PRKAB1: variants seen among roughly 807,000 people sequenced by gnomAD.
PRKAB1 encodes the protein 5'-AMP-activated protein kinase subunit beta-1.
A neutral mutation model predicts 32.0 loss-of-function variants in PRKAB1; 18 were observed. The ratio of observed to expected loss-of-function variants is 0.56; its 90% confidence interval spans 0.39 to 0.83. PRKAB1 has a LOEUF of 0.83. Ranked by LOEUF, PRKAB1 falls within the 40% of genes least tolerant of loss-of-function variation. The pLI is 0.00. For synonymous variants in PRKAB1, 141 were observed against 141.4 expected (o/e 1.00, Z 0.02); for missense variants, 263 against 352.6 (o/e 0.75, Z 2.03).
At chr12:119,677,820 T>C (rs946356939) in intron 5 of PRKAB1, 1 of 144,254 alleles carries the variant, frequency 6.9e-6, no homozygotes, top group African/African-American at 2.6e-5. Flanking sequence ...GCTGGAGTGC[T>C]GTGGTGCCAT....
chr12:119,675,239 A>T (rs928207329), intron 4 of PRKAB1, among the ~76,000 whole-genome samples: 1 of 152,230 alleles, frequency 6.6e-6, no homozygotes, highest in Non-Finnish European at 1.5e-5. Context: ...AAGAAAACAG[A>T]TTCCGTTCGT....
At position 119,674,459 on chromosome 12, in the gene PRKAB1, G is replaced by A. The variant is rs1305263557; in HGVS notation, c.532+5G>A. 2 of 1,590,120 alleles carry A rather than the reference G, an allele frequency of 1.3e-6. No individual in the cohort carries two copies. Among genetic ancestry groups the A allele is most frequent in the South Asian group, 2.2e-5 (2 of 90,554 alleles). ...AAAAGTGCTCCGATGTGTCTGGTAT[G>A]AACACAGTTATTTTATACCACATGC... is the stretch of plus-strand genomic sequence containing the variant. On this transcript the variant is annotated splice_donor_5th_base_variant and intron_variant, in intron 4 of 6. Coordinates refer to ENST00000229328, the MANE Select transcript of PRKAB1 (RefSeq NM_006253.5). The surrounding 1 kb of genome is among the most constrained non-coding windows in gnomAD (Gnocchi z 4.3).
At chr12:119,669,120 A>AC (rs1955364690) in intron 1 of PRKAB1, among the ~76,000 whole-genome samples, 1 of 150,638 alleles carries the variant, frequency 6.6e-6, no homozygotes, top group African/African-American at 2.4e-5. Flanking sequence ...TCGTCTCAAA[A>AC]AAAAAATATA....
intron 1 of PRKAB1, chr12:119,671,450 G>A (rs752904661): frequency 2.5e-6 from 1 of 405,560 alleles, no homozygotes; most frequent in Non-Finnish European, 5.0e-6. Context: ...TGGCTGGGGA[G>A]GCCTTAGGAA....
At chr12:119,672,203 C>A (rs952043603) in intron 1 of PRKAB1, 98 bp from the exon 2 acceptor site, 4 of 1,274,938 alleles carry the variant, frequency 3.1e-6, no homozygotes, top group Admixed American at 2.7e-5. Flanking sequence ...TAACCATGAA[C>A]CAAGATAGTA....
chr12:119,674,509 A>G lies in PRKAB1; in HGVS notation c.532+55A>G. 1.5e-6 allele frequency: 2 copies of G among 1,299,410 alleles called. No homozygotes were observed. Among genetic ancestry groups the G allele is most frequent in the Non-Finnish European group, 2.2e-6 (2 of 914,822 alleles). 80.5% of individuals were successfully genotyped at this position (1,299,410 alleles called of 1,614,324 possible). The stretch of plus-strand genomic sequence containing the variant: ...CGTGCAGGTGGGGGCTGTACAGTCT[A>G]GACATACTCTTGTTTCTCTTGCCTC... On this transcript the variant is annotated intron_variant, in intron 4 of 6. Transcript: ENST00000229328. The surrounding 1 kb of genome is among the most constrained non-coding windows in gnomAD (Gnocchi z 4.3).
In PRKAB1 at chr12:119,668,137, C is replaced by G. The variant is rs1487205099; in HGVS notation, c.-108C>G. On this transcript the variant is annotated 5_prime_UTR_variant, in exon 1 of 7. Transcript: ENST00000229328. ...GGCGTGGTGTCCTGGTGCTCCGACT[C>G]CTTCCGCAGGCTCCTTGGGACCCGC... 7.7e-7 allele frequency: 1 copy of G among 1,304,434 alleles called. No homozygotes were observed. Among genetic ancestry groups the G allele is most frequent in the African/African-American group, 1.6e-5 (1 of 64,058 alleles). 80.8% of individuals were successfully genotyped at this position (1,304,434 alleles called of 1,614,324 possible).
At chr12:119,667,977 T>C, upstream of PRKAB1, 1 of 454,626 alleles carries the variant, frequency 2.2e-6, no homozygotes, top group South Asian at 3.3e-5. Flanking sequence ...TGAGGGGTGG[T>C]GAAGCGGTTG....
At position 119,680,453 on chromosome 12, in the gene PRKAB1, C is replaced by T. The variant is rs1955456739; in HGVS notation, c.*128C>T. The T allele has an allele frequency of 1.0e-6, 1 of 971,692 alleles. No homozygotes were observed. The highest frequency in any genetic ancestry group is 1.6e-5 in the African/African-American group (1 of 61,852). 60.2% of individuals were successfully genotyped at this position (971,692 alleles called of 1,614,324 possible). On this transcript the variant is annotated 3_prime_UTR_variant, in exon 7 of 7. Coordinates refer to ENST00000229328, the MANE Select transcript of PRKAB1 (RefSeq NM_006253.5). ...CTCTTCAGAAGACATTTCATACCTGCCCTGGTCCTGCTTGAAGGTTTGTCC... is the reference window on the plus strand; with the variant it reads ...CTCTTCAGAAGACATTTCATACCTGTCCTGGTCCTGCTTGAAGGTTTGTCC...
chr12:119,676,553 C>G lies in PRKAB1; in HGVS notation c.549C>G (p.Pro183=). The change falls in exon 5 of 7, where the codon CCC becomes CCG. Residue 183 remains proline, a synonymous_variant. Transcript: ENST00000229328. The part of the protein sequence containing the change: ...CSDVSELSSS[P]PGPYHQEPYV... Reference sequence around the variant, plus strand: ...TCCCAACAGAGCTGTCCAGTTCTCCCCCAGGACCCTACCATCAGGAGCCCT... The same window carrying G: ...TCCCAACAGAGCTGTCCAGTTCTCCGCCAGGACCCTACCATCAGGAGCCCT... 2 of 1,613,304 alleles carry G rather than the reference C, an allele frequency of 1.2e-6. No homozygotes were observed. The highest frequency in any genetic ancestry group is 1.7e-6 in the Non-Finnish European group (2 of 1,179,484).
intron 2 of PRKAB1, among the ~76,000 whole-genome samples, chr12:119,673,153 C>A (rs1360168727): frequency 6.6e-6 from 1 of 152,136 alleles, no homozygotes; most frequent in Non-Finnish European, 1.5e-5. Context: ...TTGTTTGAGC[C>A]TGAGAGGTCA....
intron 1 of PRKAB1, among the ~76,000 whole-genome samples, chr12:119,668,815 G>T (rs532723904): frequency 3.2e-4 from 49 of 152,356 alleles, no homozygotes; most frequent in Non-Finnish European, 6.5e-4. Context: ...GTAAAAGTTA[G>T]TTTGGGAATT....
At chr12:119,669,042 G>A (rs1040540689) in intron 1 of PRKAB1, among the ~76,000 whole-genome samples, 17 of 151,438 alleles carry the variant, frequency 1.1e-4, no homozygotes, top group African/African-American at 3.9e-4. Flanking sequence ...GCGTGAACCC[G>A]GGAGGCGCAG....
At position 119,668,408 on chromosome 12, in the gene PRKAB1, G is replaced by A. The variant is rs748009484; in HGVS notation, c.159+5G>A. On this transcript the variant is annotated splice_donor_5th_base_variant and intron_variant, in intron 1 of 6. Transcript: ENST00000229328. ...TTCCACTCCGAGGAAATCAAGGTGCGAGCGGTGTGGAGGAACCCGATTCCC... is the reference window on the plus strand; with the variant it reads ...TTCCACTCCGAGGAAATCAAGGTGCAAGCGGTGTGGAGGAACCCGATTCCC... 1 of 1,612,292 alleles carries A rather than the reference G, an allele frequency of 6.2e-7. No individual in the cohort carries two copies. Among genetic ancestry groups the A allele is most frequent in the Non-Finnish European group, 8.5e-7 (1 of 1,179,270 alleles).
chr12:119,670,089 C>T (rs1293714959), intron 1 of PRKAB1, among the ~76,000 whole-genome samples: 1 of 152,184 alleles, frequency 6.6e-6, no homozygotes, highest in Non-Finnish European at 1.5e-5. Context: ...TGACTTAACT[C>T]CTGCTTCAAC....
Position 119,668,141 on chromosome 12 carries a change from C to T in PRKAB1, c.-104C>T. The T allele has an allele frequency of 7.5e-7, 1 of 1,326,474 alleles. No homozygotes were observed. The highest frequency in any genetic ancestry group is 9.8e-7 in the Non-Finnish European group (1 of 1,020,066). 82.2% of individuals were successfully genotyped at this position (1,326,474 alleles called of 1,614,324 possible). A position where few individuals can be genotyped will look rare whatever the true frequency, so the allele number is the denominator to read the frequency against. ...TGGTGTCCTGGTGCTCCGACTCCTTCCGCAGGCTCCTTGGGACCCGCGGTT... is the reference window on the plus strand; with the variant it reads ...TGGTGTCCTGGTGCTCCGACTCCTTTCGCAGGCTCCTTGGGACCCGCGGTT... On this transcript the variant is annotated 5_prime_UTR_variant, in exon 1 of 7. Coordinates refer to ENST00000229328, the MANE Select transcript of PRKAB1 (RefSeq NM_006253.5).
In PRKAB1 at chr12:119,680,618, G is replaced by A. The variant is rs1161421942; in HGVS notation, c.*293G>A. 5.9e-5 allele frequency: 26 copies of A among 437,664 alleles called. No homozygotes were observed. Among genetic ancestry groups the A allele is most frequent in the Non-Finnish European group, 8.3e-6 (2 of 240,832 alleles). 27.1% of individuals were successfully genotyped at this position (437,664 alleles called of 1,614,324 possible). On this transcript the variant is annotated 3_prime_UTR_variant, in exon 7 of 7. Coordinates refer to ENST00000229328, the MANE Select transcript of PRKAB1 (RefSeq NM_006253.5). ...CTGCAGCCCTGGCCCCGCGGTGCAT[G>A]AGGCTGGGTGCAGTTCTAAACCTAC...
Position 119,672,268 on chromosome 12 carries a change from T to G in PRKAB1, c.160-33T>G. 3 of 1,563,168 alleles carry G rather than the reference T, an allele frequency of 1.9e-6. No individual in the cohort carries two copies. In the South Asian group the frequency reaches 3.5e-5, roughly 18 times the overall value. On this transcript the variant is annotated intron_variant, in intron 1 of 6. Transcript: ENST00000229328. ...TATTGTCTGTTGTAGGGAGCTCGCT[T>G]ATGGCTTTCTGAGTAAACTGCTCTG... is the stretch of plus-strand genomic sequence containing the variant.
At chr12:119,675,258 G>C (rs1462946509) in intron 4 of PRKAB1, among the ~76,000 whole-genome samples, 2 of 152,230 alleles carry the variant, frequency 1.3e-5, no homozygotes, top group African/African-American at 4.8e-5. Flanking sequence ...GTTGACAGGA[G>C]AGTTCTTCAT....
Sources: allele counts gnomAD v4.1 joint callset (sites outside exome capture counted in the v4.1 genomes callset), GRCh38; gene constraint gnomAD v4.1.1; non-coding constraint Gnocchi (gnomAD v3.1); transcripts MANE v1.5; gene names NCBI Gene and HGNC (gene_info 2026-07-23, HGNC 2026-07-21).